ZFHX4: variants seen among roughly 807,000 people sequenced by gnomAD.
ZFHX4 encodes zinc finger homeobox protein 4.
In ZFHX4, 56 loss-of-function variants were observed where a neutral mutation model predicts 267.6. The ratio of observed to expected loss-of-function variants is 0.21; its 90% CI spans 0.17 to 0.26. The LOEUF is 0.26. Ranked by LOEUF, ZFHX4 falls within the 10% of genes least tolerant of loss-of-function variation. ZFHX4 has a pLI of 1.00. For missense variants in ZFHX4, 4,332 were observed against 4,420.0 expected, an observed-to-expected ratio of 0.98 and a Z score of 0.56; for synonymous variants, 1,778 against 1,665.6, an observed-to-expected ratio of 1.07 and a Z score of -1.64.
At chr8:76,757,041 C>G (rs183964724) in intron 3 of ZFHX4, among the ~76,000 whole-genome samples, 4 of 152,110 alleles carry the variant, frequency 2.6e-5, no homozygotes, top group Non-Finnish European at 5.9e-5. Flanking sequence ...CACACGCAGC[C>G]GACTCTTATC....
chr8:76,849,156 G>A (rs1447017312), intron 7 of ZFHX4, 28 bp downstream of exon 7: 1 of 1,525,092 alleles, frequency 6.6e-7, no homozygotes, highest in South Asian at 1.3e-5. Flanking sequence ...CCTTTACTGT[G>A]TAAATCTTTA....
At chr8:76,819,349 C>G (rs553170565) in intron 4 of ZFHX4, among the ~76,000 whole-genome samples, 2 of 151,886 alleles carry the variant, frequency 1.3e-5, no homozygotes, top group African/African-American at 2.4e-5. Flanking sequence ...ATTTTTATAT[C>G]TTTCTAAATA....
At chr8:76,847,744 T>TG (rs2131930014) in intron 6 of ZFHX4, among the ~76,000 whole-genome samples, 1 of 152,296 alleles carries the variant, frequency 6.6e-6, no homozygotes, top group South Asian at 2.1e-4. Flanking sequence ...GTATTTTTTT[T>TG]GTTTATTTTT....
At chr8:76,763,419 T>G (rs1809968328) in intron 3 of ZFHX4, among the ~76,000 whole-genome samples, 1 of 152,134 alleles carries the variant, frequency 6.6e-6, no homozygotes, top group African/African-American at 2.4e-5. Flanking sequence ...GCCTAGGAGT[T>G]GGAGATCAGG....
chr8:76,717,843 C>T (rs999894309), intron 3 of ZFHX4, among the ~76,000 whole-genome samples: 2 of 152,156 alleles, frequency 1.3e-5, no homozygotes, highest in African/African-American at 2.4e-5. Context: ...GTGACCCGCC[C>T]CCCTCAGCCT....
chr8:76,817,845 G>T (rs1428837029), intron 4 of ZFHX4, among the ~76,000 whole-genome samples: 1 of 152,148 alleles, frequency 6.6e-6, no homozygotes, highest in Non-Finnish European at 1.5e-5. Flanking sequence ...GAATTAATTG[G>T]AATCAGAATC....
intron 4 of ZFHX4, among the ~76,000 whole-genome samples, chr8:76,782,875 C>G (rs922327913): frequency 1.3e-5 from 2 of 151,924 alleles, no homozygotes; most frequent in African/African-American, 2.4e-5. Context: ...TTAAGGGACT[C>G]TATTGATATT....
At chr8:76,824,015 A>G (rs1811721839) in intron 4 of ZFHX4, among the ~76,000 whole-genome samples, 1 of 152,192 alleles carries the variant, frequency 6.6e-6, no homozygotes, top group African/African-American at 2.4e-5. Flanking sequence ...TCATCCTTAC[A>G]GTGACTAGGT....
At position 76,704,814 on chromosome 8, in the gene ZFHX4, C is replaced by A. The variant is rs1374740674; in HGVS notation, c.726C>A (p.Thr242=). ...ACAAGAGAGAGAAAGACTATCTAAC[C>A]AGTGATGGCTCAGCCAAAAACTCCT... ...LRHKREKDYL[T]SDGSAKNSCV... The change falls in exon 2 of 11, where the codon ACC becomes ACA. Residue 242 remains threonine (T), a synonymous_variant. Transcript: ENST00000651372. 2 of 1,613,994 alleles carry A rather than the reference C, an allele frequency of 1.2e-6. No homozygotes were observed. The highest frequency in any genetic ancestry group is 2.2e-5 in the East Asian group (1 of 44,884).
intron 4 of ZFHX4, among the ~76,000 whole-genome samples, chr8:76,788,085 G>T (rs1436862550): frequency 2.0e-5 from 3 of 152,080 alleles, no homozygotes; most frequent in African/African-American, 7.2e-5. Flanking sequence ...GTAGTAACTG[G>T]CAGAGGTCAG....
Position 76,851,651 on chromosome 8 carries a change from C to T in ZFHX4, c.4730C>T (p.Ser1577Phe), listed in dbSNP as rs1812525696. The change falls in exon 10 of 11, where the codon TCC becomes TTC. Residue 1577 changes from serine to phenylalanine, a missense_variant. Physicochemically the swap from Ser to Phe is radical, Grantham distance 155. Transcript: ENST00000651372. ...CTGAAAAAAGTTTTGCAGGAAGCCT[C>T]CAGTCCTGTCCCACAAGAAACCAAC... ...HKLKKVLQEA[S>F]SPVPQETNSN... 8 of 1,613,904 alleles carry T rather than the reference C, an allele frequency of 5.0e-6. No individual in the cohort carries two copies. The highest frequency in any genetic ancestry group is 2.2e-5 in the East Asian group (1 of 44,840).
chr8:76,803,760 A>G (rs1811178268), intron 4 of ZFHX4, among the ~76,000 whole-genome samples: 1 of 152,138 alleles, frequency 6.6e-6, no homozygotes, highest in Non-Finnish European at 1.5e-5. Flanking sequence ...CTCATTCAAC[A>G]TCAGTAGGGA....
At chr8:76,735,761 C>A (rs529848766) in intron 3 of ZFHX4, among the ~76,000 whole-genome samples, 11 of 151,944 alleles carry the variant, frequency 7.2e-5, no homozygotes, top group Non-Finnish European at 1.5e-4. Flanking sequence ...GTCAATGGAT[C>A]GAGGGGAGAA....
chr8:76,793,897 G>C (rs1450317362), intron 4 of ZFHX4, among the ~76,000 whole-genome samples: 1 of 152,074 alleles, frequency 6.6e-6, no homozygotes, highest in Non-Finnish European at 1.5e-5. Flanking sequence ...CGTAAGACTG[G>C]TTTGAGTAGG....
rs10694486 is a variant in ZFHX4 at position 76,797,886 on chromosome 8, A to ATGTGTG, written c.3325+19475_3325+19480dup. Among the ~76,000 whole-genome samples the ATGTGTG allele has an allele frequency of 1.3e-3, 178 of 140,270 alleles. 1 individual carries two copies. Among genetic ancestry groups the ATGTGTG allele is most frequent in the East Asian group, 0.011 (53 of 4,848 alleles). 92.0% of individuals were successfully genotyped at this position (140,270 alleles called of 152,430 possible). On this transcript the variant is annotated intron_variant, in intron 4 of 10. Coordinates refer to ENST00000651372, the MANE Select transcript of ZFHX4 (RefSeq NM_024721.5). Reference sequence around the variant, plus strand: ...GTGGAGTTTTGGGGTGTGTGTCTGTATGTGTGTGTGTGTGTGTGTGTGTGT... The same window carrying ATGTGTG: ...GTGGAGTTTTGGGGTGTGTGTCTGTATGTGTGTGTGTGTGTGTGTGTGTGTGTGTGT...
At chr8:76,682,015 T>C (rs1332551081) in intron 1 of ZFHX4, among the ~76,000 whole-genome samples, 1 of 152,156 alleles carries the variant, frequency 6.6e-6, no homozygotes, top group Non-Finnish European at 1.5e-5. Context: ...CTTTTCCCTG[T>C]CTTTTCGGGT....
chr8:76,863,059 A>G (rs1812912469), intron 10 of ZFHX4, 35 bp from the exon 11 acceptor site: 3 of 1,482,198 alleles, frequency 2.0e-6, no homozygotes, highest in South Asian at 1.4e-5. Context: ...TGGTCTGTAC[A>G]TTGACAGTGG....
chr8:76,714,467 A>G lies in ZFHX4; in HGVS notation c.3093+6419A>G, dbSNP rs118049387. 2.8e-3 allele frequency among the ~76,000 whole-genome samples: 425 copies of G among 152,236 alleles called. 3 individuals are homozygous for G. The highest frequency in any genetic ancestry group is 3.4e-3 in the Non-Finnish European group (231 of 68,002). On this transcript the variant is annotated intron_variant, in intron 3 of 10. Coordinates refer to ENST00000651372, the MANE Select transcript of ZFHX4 (RefSeq NM_024721.5). ...GTGCTTTCTGCCTGCCCCCCAAATTATCAGCCTATTCCAGGAGAGCGTATG... is the reference window on the plus strand; with the variant it reads ...GTGCTTTCTGCCTGCCCCCCAAATTGTCAGCCTATTCCAGGAGAGCGTATG...
chr8:76,685,148 A>G (rs1807659739), intron 1 of ZFHX4, among the ~76,000 whole-genome samples: 1 of 152,234 alleles, frequency 6.6e-6, no homozygotes, highest in Admixed American at 6.5e-5. Flanking sequence ...TAAAGGCAAG[A>G]AGGGAAGCCC....
Sources: gnomAD v4.1 joint callset for allele counts (sites outside exome capture counted in the v4.1 genomes callset) on GRCh38, gnomAD v4.1.1 for gene constraint, MANE v1.5 for transcripts, NCBI Gene and HGNC (gene_info 2026-07-23, HGNC 2026-07-21) for gene names.